NOS1AP: variants seen among roughly 807,000 people sequenced by gnomAD.
NOS1AP encodes carboxyl-terminal PDZ ligand of neuronal nitric oxide synthase protein.
A neutral mutation model predicts 56.2 loss-of-function variants in NOS1AP; 21 were observed. The observed-to-expected ratio is 0.37, with a 90% CI of 0.26 to 0.54. The LOEUF (loss-of-function observed/expected upper bound fraction) is 0.54, where lower values mean the gene tolerates loss of function less well. Ranked by LOEUF, NOS1AP falls within the 20% of genes least tolerant of loss-of-function variation. NOS1AP has a pLI of 0.84. For synonymous variants in NOS1AP, 270 were observed against 274.6 expected (o/e 0.98, Z 0.17); for missense variants, 522 against 657.8 (o/e 0.79, Z 2.26).
Position 162,073,385 on chromosome 1 carries a change from A to G in NOS1AP, c.105+3103A>G, listed in dbSNP as rs1691700126. On this transcript the variant is annotated intron_variant, in intron 1 of 9. Coordinates refer to ENST00000361897, the MANE Select transcript of NOS1AP (RefSeq NM_014697.3). ...TCTATGTTGGCCACGGGTTTGAGTC[A>G]CAGCTCTCTAGTGGAGTGTTCTCAG... 3.3e-5 allele frequency among the ~76,000 whole-genome samples: 5 copies of G among 152,370 alleles called. No homozygotes were observed. In the South Asian group the frequency reaches 1.0e-3, roughly 32 times the overall value.
Position 162,294,222 on chromosome 1 carries a change from A to AGGAAGGAAGGAAGGAAGGAAGGAAGGAG in NOS1AP, c.271-6406_271-6405insGAAGGAAGGAAGGAAGGAAGGAGGGAAG, listed in dbSNP as rs1368335883. 9.5e-5 allele frequency among the ~76,000 whole-genome samples: 14 copies of AGGAAGGAAGGAAGGAAGGAAGGAAGGAG among 147,732 alleles called. 1 individual carries two copies. Among genetic ancestry groups the AGGAAGGAAGGAAGGAAGGAAGGAAGGAG allele is most frequent in the African/African-American group, 2.8e-4 (11 of 39,110 alleles). On this transcript the variant is annotated intron_variant, in intron 3 of 9. Transcript: ENST00000361897. Reference sequence around the variant, plus strand: ...AAGGAAGGAAGGAAGGAAGGAAGGAAGGAAGAAAGAAAGGAAGGAAGGATA... The same window carrying AGGAAGGAAGGAAGGAAGGAAGGAAGGAG: ...AAGGAAGGAAGGAAGGAAGGAAGGAAGGAAGGAAGGAAGGAAGGAAGGAAGGAGGGAAGAAAGAAAGGAAGGAAGGATA...
intron 4 of NOS1AP, among the ~76,000 whole-genome samples, chr1:162,324,101 G>C (rs910069957): frequency 6.6e-6 from 1 of 152,154 alleles, no homozygotes; most frequent in African/African-American, 2.4e-5. Context: ...TTTGTGGTGT[G>C]TTCATTTTCT....
At chr1:162,169,096 T>C (rs1650641923) in intron 2 of NOS1AP, among the ~76,000 whole-genome samples, 1 of 152,256 alleles carries the variant, frequency 6.6e-6, no homozygotes, top group African/African-American at 2.4e-5. Context: ...TCTAACTGCC[T>C]AACAGTTCCA....
Position 162,367,782 on chromosome 1 carries a change from C to G in NOS1AP, c.*315C>G. On this transcript the variant is annotated 3_prime_UTR_variant, in exon 10 of 10. Coordinates refer to ENST00000361897, the MANE Select transcript of NOS1AP (RefSeq NM_014697.3). This position sits in a 1 kb window ranked among gnomAD's most constrained non-coding sequence, Gnocchi z 6.5. ...TGCCAGGCTGCTGGAGGACCTGCCC[C>G]TACCTGCTGCATCGTCAGGCTCCCA... The G allele has an allele frequency of 2.8e-6, 1 of 353,780 alleles. No individual in the cohort carries two copies. Among genetic ancestry groups the G allele is most frequent in the Non-Finnish European group, 5.2e-6 (1 of 192,238 alleles). 21.9% of individuals were successfully genotyped at this position (353,780 alleles called of 1,614,324 possible).
At chr1:162,120,501 G>C (rs1205920428) in intron 1 of NOS1AP, among the ~76,000 whole-genome samples, 1 of 152,174 alleles carries the variant, frequency 6.6e-6, no homozygotes, top group African/African-American at 2.4e-5. Context: ...AAGAAACAGA[G>C]GTTTAATGGA....
chr1:162,127,326 C>T (rs1257889082), intron 1 of NOS1AP, among the ~76,000 whole-genome samples: 2 of 152,112 alleles, frequency 1.3e-5, no homozygotes, highest in African/African-American at 4.8e-5. Flanking sequence ...TATTCTCCAT[C>T]TGGGTTTACA....
chr1:162,291,581 A>G (rs1223617255), intron 3 of NOS1AP, among the ~76,000 whole-genome samples: 1 of 152,234 alleles, frequency 6.6e-6, no homozygotes, highest in Non-Finnish European at 1.5e-5. Flanking sequence ...GGATTTGTTC[A>G]GGTGACTGTA....
intron 2 of NOS1AP, among the ~76,000 whole-genome samples, chr1:162,181,407 A>G (rs893024747): frequency 6.6e-6 from 1 of 152,252 alleles, no homozygotes; most frequent in Admixed American, 6.5e-5. Context: ...CAATAAATCA[A>G]TAACTCAGTC....
intron 4 of NOS1AP, among the ~76,000 whole-genome samples, chr1:162,326,326 G>C (rs182952155): frequency 6.2e-4 from 94 of 152,316 alleles, no homozygotes; most frequent in African/African-American, 2.2e-3. Flanking sequence ...CACAGCCTCT[G>C]CAGTCCTAAA....
At chr1:162,128,185 C>T (rs1648573637) in intron 1 of NOS1AP, among the ~76,000 whole-genome samples, 1 of 151,364 alleles carries the variant, frequency 6.6e-6, no homozygotes, top group Admixed American at 6.6e-5. Flanking sequence ...GATATTTATC[C>T]TAATATGCAG....
intron 2 of NOS1AP, among the ~76,000 whole-genome samples, chr1:162,254,646 G>C (rs1653969082): frequency 6.6e-6 from 1 of 152,182 alleles, no homozygotes; most frequent in Non-Finnish European, 1.5e-5. Context: ...TGCGACTGGT[G>C]AATGTGTACA....
intron 2 of NOS1AP, among the ~76,000 whole-genome samples, chr1:162,210,210 T>G (rs552640772): frequency 6.6e-6 from 1 of 152,010 alleles, no homozygotes; most frequent in South Asian, 2.1e-4. Flanking sequence ...CAGTGTGGAG[T>G]AGGCTGAGGT....
chr1:162,096,154 C>T (rs1692234543), intron 1 of NOS1AP, among the ~76,000 whole-genome samples: 1 of 152,208 alleles, frequency 6.6e-6, no homozygotes, highest in Non-Finnish European at 1.5e-5. Flanking sequence ...CAAGCATCTC[C>T]TAAGTATAGG....
At chr1:162,124,960 T>C (rs1057027237) in intron 1 of NOS1AP, among the ~76,000 whole-genome samples, 2 of 152,198 alleles carry the variant, frequency 1.3e-5, no homozygotes, top group African/African-American at 4.8e-5. Context: ...ATTTTTCTTC[T>C]GTAGATACCC....
chr1:162,164,717 A>G (rs1273957221), intron 2 of NOS1AP, among the ~76,000 whole-genome samples: 4 of 152,196 alleles, frequency 2.6e-5, no homozygotes, highest in Non-Finnish European at 5.9e-5. Flanking sequence ...GCTGAATAGT[A>G]TTCCCTTCTG....
intron 2 of NOS1AP, among the ~76,000 whole-genome samples, chr1:162,184,607 C>T (rs1009908594): frequency 6.6e-6 from 1 of 152,286 alleles, no homozygotes; most frequent in African/African-American, 2.4e-5. Flanking sequence ...GTGGAAGAGC[C>T]TGACTCCAGC....
intron 4 of NOS1AP, among the ~76,000 whole-genome samples, chr1:162,329,001 G>A (rs1171017185): frequency 1.4e-5 from 2 of 139,076 alleles, no homozygotes; most frequent in Admixed American, 6.8e-5. Flanking sequence ...GTTTGAGAAG[G>A]GGGGTATTGG....
chr1:162,167,972 G>A (rs1423456221), intron 2 of NOS1AP, among the ~76,000 whole-genome samples: 1 of 131,288 alleles, frequency 7.6e-6, no homozygotes, highest in Non-Finnish European at 1.6e-5. Context: ...CCAAACATGA[G>A]ACACATCAGA....
chr1:162,188,824 C>T lies in NOS1AP; in HGVS notation c.177+34348C>T, dbSNP rs1021447593. Among the ~76,000 whole-genome samples, 9 of 152,224 alleles carry T rather than the reference C, an allele frequency of 5.9e-5. No homozygotes were observed. Among genetic ancestry groups the T allele is most frequent in the South Asian group, 4.2e-4 (2 of 4,814 alleles). On this transcript the variant is annotated intron_variant, in intron 2 of 9. Transcript: ENST00000361897. The surrounding 1 kb of genome is among the most constrained non-coding windows in gnomAD (Gnocchi z 4.0). The stretch of plus-strand genomic sequence containing the variant: ...ATCCCAGCACTTTCGGAGGCCGAGG[C>T]GGGCGGATCACGAGATCAGGAGTTC...
Sources: gnomAD v4.1 joint callset for allele counts (sites outside exome capture counted in the v4.1 genomes callset) on GRCh38, gnomAD v4.1.1 for gene constraint, Gnocchi (gnomAD v3.1) non-coding constraint, MANE v1.5 for transcripts, NCBI Gene and HGNC (gene_info 2026-07-23, HGNC 2026-07-21) for gene names.